The following CYP11B1 variants were observed in gnomAD, a reference collection of about 807,000 sequenced individuals.
The protein encoded by CYP11B1 is cytochrome P450 family 11 subfamily B member 1, also known as cytochrome P450 11B1, mitochondrial.
A neutral mutation model predicts 48.3 loss-of-function variants in CYP11B1; 34 were observed. That is an observed-to-expected ratio of 0.70 (90% CI 0.54 to 0.94). The LOEUF is 0.94. CYP11B1 is among the 40% of genes least tolerant of loss of function. The pLI, the probability that CYP11B1 is intolerant of heterozygous loss-of-function variation, is 0.00. For missense variants in CYP11B1, 688 were observed against 657.4 expected, an observed-to-expected ratio of 1.05 and a Z score of -0.51; for synonymous variants, 291 against 262.5, an observed-to-expected ratio of 1.11 and a Z score of -1.05.
Position 142,872,750 on chromosome 8 carries a change from C to T in CYP11B1, c.*1623G>A, listed in dbSNP as rs997960869. 3.9e-5 allele frequency: 6 copies of T among 152,060 alleles called. No individual in the cohort carries two copies. Among genetic ancestry groups the T allele is most frequent in the African/African-American group, 7.2e-5 (3 of 41,406 alleles). The allele number at this position is 152,060 out of a possible 1,614,324, so 9.4% of individuals were successfully genotyped here. A position where few individuals can be genotyped will look rare whatever the true frequency, so the allele number is the denominator to read the frequency against. On this transcript the variant is annotated 3_prime_UTR_variant, in exon 9 of 9. Transcript: ENST00000292427. ...GTAGTTTAATCTGAATTTTTGTGTC[C>T]GCCTCCAGAATTCATAGGCTGAAAT...
rs150354099 is a variant in CYP11B1, at chr8:142,879,058, A to G, written c.369T>C (p.Arg123=). 21 of 1,614,026 alleles carry G rather than the reference A, an allele frequency of 1.3e-5. No homozygotes were observed. In the African/African-American group the frequency reaches 2.0e-4, roughly 15 times the overall value. ...GCAAGAACACGCCACATTTGTGCCC[A>G]CGATGTTGTCTGTAGGCCACCCAGG... ...LEPWVAYRQH[R]GHKCGVFLLN... The change falls in exon 2 of 9, where the codon CGT becomes CGC. Residue 123 remains arginine (R), a synonymous_variant. Coordinates refer to ENST00000292427, the MANE Select transcript of CYP11B1 (RefSeq NM_000497.4).
Position 142,876,410 on chromosome 8 carries a change from G to C in CYP11B1, c.800-15C>G, listed in dbSNP as rs1279256618. ...ACAGTTGTCGCCTATCCGGGGAGCG[G>C]GAGGCAGCCCTCAGACTTTGGTGCT... On this transcript the variant is annotated splice_polypyrimidine_tract_variant and intron_variant, in intron 4 of 8. Coordinates refer to ENST00000292427, the MANE Select transcript of CYP11B1 (RefSeq NM_000497.4). 1 of 1,610,918 alleles carries C rather than the reference G, an allele frequency of 6.2e-7. No individual in the cohort carries two copies. Among genetic ancestry groups the C allele is most frequent in the Non-Finnish European group, 8.5e-7 (1 of 1,178,476 alleles).
chr8:142,875,339 G>A (rs769431602), intron 6 of CYP11B1, 27 bp from the exon 7 acceptor site: 2 of 1,603,944 alleles, frequency 1.2e-6, no homozygotes, highest in Admixed American at 1.7e-5. Flanking sequence ...CCATAGAAAG[G>A]GTCCTCAGCT....
chr8:142,875,456 A>T lies in CYP11B1; in HGVS notation c.1122-144T>A, dbSNP rs368190240. The T allele has an allele frequency of 3.9e-4, 470 of 1,219,358 alleles. 5 individuals are homozygous for T. The South Asian group carries it at 5.8e-3, about 15-fold the overall frequency. 75.5% of individuals were successfully genotyped at this position (1,219,358 alleles called of 1,614,324 possible). On this transcript the variant is annotated intron_variant, in intron 6 of 8. Transcript: ENST00000292427. ...AGGAAGTGCTTCCTTGCACCTGCTG[A>T]GCCCGGCCAAACCTCCCCTAACTTA...
In CYP11B1 at chr8:142,876,989, T is replaced by A. The variant is rs756299370; in HGVS notation, c.595+34A>T. 125 of 1,612,346 alleles carry A rather than the reference T, an allele frequency of 7.8e-5. No individual in the cohort carries two copies. The Admixed American group carries it at 1.8e-3, about 24-fold the overall frequency. On this transcript the variant is annotated intron_variant, in intron 3 of 8. Coordinates refer to ENST00000292427, the MANE Select transcript of CYP11B1 (RefSeq NM_000497.4). ...ATCCCCGTCCCTGGCCACTCCAGGGTCTCTGAGGCTGGATCTTCCCACGTG... is the reference window on the plus strand; with the variant it reads ...ATCCCCGTCCCTGGCCACTCCAGGGACTCTGAGGCTGGATCTTCCCACGTG...
chr8:142,875,931 C>G (rs537019407), intron 5 of CYP11B1, 53 bp from the exon 6 acceptor site: 1 of 1,607,360 alleles, frequency 6.2e-7, no homozygotes, highest in Non-Finnish European at 8.5e-7. Flanking sequence ...ACTCAGCCCC[C>G]GGGACACCCC....
In CYP11B1 at chr8:142,874,450, C is replaced by T. The variant is rs778078386; in HGVS notation, c.1435G>A (p.Glu479Lys). 1.9e-6 allele frequency: 3 copies of T among 1,613,952 alleles called. No individual in the cohort carries two copies. Among genetic ancestry groups the T allele is most frequent in the African/African-American group, 1.3e-5 (1 of 74,908 alleles). The change falls in exon 9 of 9, where the codon GAG (glutamate) becomes AAG (lysine). Residue 479 changes from glutamate (E) to lysine (K), a missense_variant. Glu to Lys is a moderately conservative substitution (Grantham distance 56). Coordinates refer to ENST00000292427, the MANE Select transcript of CYP11B1 (RefSeq NM_000497.4). ...AAGCTGTAGACCATCTTTATGTCCTCTTGGGTTAGTGTCTCCACCTGGAGG... is the reference window on the plus strand; with the variant it reads ...AAGCTGTAGACCATCTTTATGTCCTTTTGGGTTAGTGTCTCCACCTGGAGG... ...KHLQVETLTQ[E>K]DIKMVYSFIL...
Position 142,875,484 on chromosome 8 carries a change from C to T in CYP11B1, c.1122-172G>A. On this transcript the variant is annotated intron_variant, in intron 6 of 8. Transcript: ENST00000292427. ...CCGGCCAAACCTCCCCTAACTTAAG[C>T]AGCCCCGAGCGCAGAAGGACATGCT... is the stretch of plus-strand genomic sequence containing the variant. The T allele has an allele frequency of 3.7e-6, 4 of 1,073,098 alleles. No individual in the cohort carries two copies. In the South Asian group the frequency reaches 5.5e-5, roughly 15 times the overall value. 66.5% of individuals were successfully genotyped at this position (1,073,098 alleles called of 1,614,324 possible). A position where few individuals can be genotyped will look rare whatever the true frequency, so the allele number is the denominator to read the frequency against.
rs2130286739 is a variant in CYP11B1, at chr8:142,879,721, G to C, written c.93C>G (p.Val31=). The change falls in exon 1 of 9, where the codon GTC becomes GTG. Residue 31 remains valine (V), a synonymous_variant. Transcript: ENST00000292427. The part of the protein sequence containing the change: ...AQALGTRAAR[V]PRTVLPFEAM... ...CTTCAAAGGGCAGCACTGTCCTGGGGACCCGGGCGGCTCTCGTGCCCAGTG... is the reference window on the plus strand; with the variant it reads ...CTTCAAAGGGCAGCACTGTCCTGGGCACCCGGGCGGCTCTCGTGCCCAGTG... The C allele has an allele frequency of 6.2e-7, 1 of 1,614,228 alleles. No homozygotes were observed. Among genetic ancestry groups the C allele is most frequent in the Non-Finnish European group, 8.5e-7 (1 of 1,180,040 alleles).
chr8:142,879,381 G>C (rs765397061), intron 1 of CYP11B1, 194 bp from the exon 2 acceptor site: 2 of 1,610,452 alleles, frequency 1.2e-6, no homozygotes, highest in East Asian at 4.5e-5. Context: ...TCTGCAGCGA[G>C]CTGGGATTTG....
At chr8:142,878,999 C>T (rs1278856225) in intron 2 of CYP11B1, 33 bp downstream of exon 2, 1 of 1,613,072 alleles carries the variant, frequency 6.2e-7, no homozygotes, top group Non-Finnish European at 8.5e-7. Flanking sequence ...CCAGGCTGCC[C>T]ACCCTGCTCC....
At position 142,876,901 on chromosome 8, in the gene CYP11B1, A is replaced by G. The variant is rs1159181076; in HGVS notation, c.596-16T>C. On this transcript the variant is annotated splice_polypyrimidine_tract_variant and intron_variant, in intron 3 of 8. Coordinates refer to ENST00000292427, the MANE Select transcript of CYP11B1 (RefSeq NM_000497.4). ...AAGTTGCTGGCTGCGGGGAGGATGC[A>G]CTGCTGAGCACAAGGCAGCCCCGGG... is the stretch of plus-strand genomic sequence containing the variant. 12 of 1,614,062 alleles carry G rather than the reference A, an allele frequency of 7.4e-6. No individual in the cohort carries two copies. The highest frequency in any genetic ancestry group is 1.0e-5 in the Non-Finnish European group (12 of 1,179,976).
At chr8:142,876,068 A>G (rs1251957612) in intron 5 of CYP11B1, 173 bp downstream of exon 5, 12 of 1,155,242 alleles carry the variant, frequency 1.0e-5, no homozygotes, top group Non-Finnish European at 1.1e-5. Context: ...GGAACCCCCC[A>G]TTCCAACCAT....
chr8:142,878,899 T>C lies in CYP11B1; in HGVS notation c.395+133A>G, dbSNP rs545879685. ...ACACGACCCCACGGAATGGCCGTCC[T>C]CTGGGTCGGGTGCTCACCCTCACTG... On this transcript the variant is annotated intron_variant, in intron 2 of 8. Transcript: ENST00000292427. The C allele has an allele frequency of 2.9e-5, 40 of 1,382,116 alleles. No homozygotes were observed. In the Admixed American group the frequency reaches 4.9e-4, roughly 17 times the overall value. 85.6% of individuals were successfully genotyped at this position (1,382,116 alleles called of 1,614,324 possible). A position where few individuals can be genotyped will look rare whatever the true frequency, so the allele number is the denominator to read the frequency against.
rs1488670824 is a variant in CYP11B1 at position 142,873,194 on chromosome 8, A to G, written c.*1179T>C. ...GGATCTACTGACCACCACTGGAATG[A>G]TGCCATAGGGATTTCCCCTTTCATG... On this transcript the variant is annotated 3_prime_UTR_variant, in exon 9 of 9. Transcript: ENST00000292427. 1.3e-5 allele frequency: 2 copies of G among 152,402 alleles called. No homozygotes were observed. The highest frequency in any genetic ancestry group is 2.9e-5 in the Non-Finnish European group (2 of 68,086). The allele number at this position is 152,402 out of a possible 1,614,324, so 9.4% of individuals were successfully genotyped here.
chr8:142,879,710 A>G lies in CYP11B1; in HGVS notation c.104T>C (p.Val35Ala), dbSNP rs201951316. 75 of 1,614,240 alleles carry G rather than the reference A, an allele frequency of 4.6e-5. No homozygotes were observed. In the East Asian group the frequency reaches 1.6e-3, roughly 34 times the overall value. Residue 35 changes from valine to alanine, a missense_variant, in exon 1 of 9, where the codon GTG (valine) becomes GCG (alanine). Coordinates refer to ENST00000292427, the MANE Select transcript of CYP11B1 (RefSeq NM_000497.4). ...GTRAARVPRTVLPFEAMPRRP... is the reference protein window; with the variant it reads ...GTRAARVPRTALPFEAMPRRP... ...CCGGGGCATGGCTTCAAAGGGCAGC[A>G]CTGTCCTGGGGACCCGGGCGGCTCT...
intron 8 of CYP11B1, 36 bp from the exon 9 acceptor site, chr8:142,874,522 C>G (rs147474053): frequency 1.8e-5 from 26 of 1,443,050 alleles, no homozygotes; most frequent in African/African-American, 2.8e-5. Flanking sequence ...TGGCTTGGTC[C>G]GCAGCCCATG....
intron 1 of CYP11B1, 190 bp downstream of exon 1, chr8:142,879,385 G>A (rs1354259072): frequency 3.7e-6 from 6 of 1,610,962 alleles, no homozygotes; most frequent in Non-Finnish European, 5.1e-6. Context: ...CAGCGAGCTG[G>A]GATTTGCTCT....
intron 8 of CYP11B1, among the ~76,000 whole-genome samples, 170 bp downstream of exon 8, chr8:142,874,787 C>T (rs934974888): frequency 3.3e-5 from 5 of 152,184 alleles, no homozygotes; most frequent in Non-Finnish European, 7.3e-5. Flanking sequence ...AACTCCTGCC[C>T]AGGACCTACA....
Sources: allele counts gnomAD v4.1 joint callset (sites outside exome capture counted in the v4.1 genomes callset), GRCh38; gene constraint gnomAD v4.1.1; transcripts MANE v1.5; gene names NCBI Gene and HGNC (gene_info 2026-07-23, HGNC 2026-07-21).